CALD1: variants seen among roughly 807,000 people sequenced by gnomAD.
The protein encoded by CALD1 is caldesmon.
A neutral mutation model predicts 99.9 loss-of-function variants in CALD1; 33 were observed. That is an observed-to-expected ratio of 0.33 (90% confidence interval 0.25 to 0.44). CALD1 has a LOEUF of 0.44. Among genes scored for constraint, CALD1 ranks in the 20% least tolerant of loss-of-function variants. CALD1 has a pLI of 1.00. For missense variants in CALD1, 861 were observed against 962.1 expected, an observed-to-expected ratio of 0.89 and a Z score of 1.39; for synonymous variants, 310 against 325.0, an observed-to-expected ratio of 0.95 and a Z score of 0.50.
chr7:134,739,641 C>A (rs1329528799), upstream of CALD1, among the ~76,000 whole-genome samples: 2 of 152,118 alleles, frequency 1.3e-5, no homozygotes, highest in Non-Finnish European at 2.9e-5. Context: ...CTGCTGACTT[C>A]CTAGAACTGC....
intron 1 of CALD1, among the ~76,000 whole-genome samples, chr7:134,805,134 T>C (rs1798087047): frequency 6.6e-6 from 1 of 152,232 alleles, no homozygotes; most frequent in African/African-American, 2.4e-5. Flanking sequence ...CTGAATACTA[T>C]GGGCCTGTTC....
chr7:134,867,632 A>T (rs1209777703), intron 2 of CALD1, 61 bp from the exon 3 acceptor site: 1 of 585,504 alleles, frequency 1.7e-6, no homozygotes, highest in Non-Finnish European at 3.0e-6. Flanking sequence ...GGCCCATAGT[A>T]ACTCAGGAGA....
intron 1 of CALD1, among the ~76,000 whole-genome samples, chr7:134,822,217 G>T (rs1222570984): frequency 6.6e-6 from 1 of 152,258 alleles, no homozygotes; most frequent in African/African-American, 2.4e-5. Flanking sequence ...ATATTGAAGA[G>T]AAATCAGACA....
the CALD1 span, among the ~76,000 whole-genome samples, chr7:134,725,492 T>G: frequency 6.6e-6 from 1 of 151,680 alleles, no homozygotes; most frequent in Non-Finnish European, 1.5e-5. Flanking sequence ...TGAGCATGTA[T>G]AGCATTAATA....
chr7:134,946,335 C>G (rs985747619), intron 7 of CALD1, among the ~76,000 whole-genome samples: 3 of 152,108 alleles, frequency 2.0e-5, no homozygotes, highest in East Asian at 3.8e-4. Context: ...AAACAAACAT[C>G]ACCTAAAATT....
rs1449322731 is a variant in CALD1, at chr7:134,941,078, G to A, written c.1387-14G>A. The A allele has an allele frequency of 6.3e-7, 1 of 1,597,396 alleles. No individual in the cohort carries two copies. Among genetic ancestry groups the A allele is most frequent in the East Asian group, 2.2e-5 (1 of 44,730 alleles). On this transcript the variant is annotated splice_polypyrimidine_tract_variant and intron_variant, in intron 6 of 14. Coordinates refer to ENST00000361675, the MANE Select transcript of CALD1 (RefSeq NM_033138.4). ...TTCTTGTTCTGTTTCTTCCTGATAT[G>A]TACTGTTGGTTAGATCAAAGATGAA...
chr7:134,747,057 T>A (rs1417279191), intron 1 of CALD1, among the ~76,000 whole-genome samples: 1 of 152,152 alleles, frequency 6.6e-6, no homozygotes, highest in African/African-American at 2.4e-5. Context: ...TGAAAAAATA[T>A]GAGAAAACTT....
At chr7:134,776,467 A>C (rs1399962670), upstream of CALD1, among the ~76,000 whole-genome samples, 1 of 152,188 alleles carries the variant, frequency 6.6e-6, no homozygotes, top group Non-Finnish European at 1.5e-5. Flanking sequence ...CAGATCTTAA[A>C]CCATCTCTGG....
intron 2 of CALD1, among the ~76,000 whole-genome samples, chr7:134,846,319 C>T (rs1799851023): frequency 6.6e-6 from 1 of 152,160 alleles, no homozygotes; most frequent in African/African-American, 2.4e-5. Context: ...TTGTCCCCTG[C>T]TGATTGTCCC....
At chr7:134,919,629 G>A (rs1804466514) in intron 3 of CALD1, among the ~76,000 whole-genome samples, 1 of 152,158 alleles carries the variant, frequency 6.6e-6, no homozygotes, top group Admixed American at 6.6e-5. Flanking sequence ...GTCTATGTAT[G>A]GGGAGATGGG....
At chr7:134,917,022 T>C (rs1185037673) in intron 3 of CALD1, among the ~76,000 whole-genome samples, 3 of 152,208 alleles carry the variant, frequency 2.0e-5, no homozygotes, top group Non-Finnish European at 4.4e-5. Context: ...ACTTAGCCAG[T>C]AGAAATGTGA....
chr7:134,772,656 A>G (rs1796886245), intron 1 of CALD1, among the ~76,000 whole-genome samples: 1 of 152,234 alleles, frequency 6.6e-6, no homozygotes, highest in Non-Finnish European at 1.5e-5. Context: ...CAGTTGAACT[A>G]TATGGTATCC....
At chr7:134,826,221 G>A (rs17800656) in intron 1 of CALD1, among the ~76,000 whole-genome samples, 12,588 of 151,994 alleles carry the variant, frequency 0.083, 653 homozygotes, top group Non-Finnish European at 0.11. Context: ...CCAAGGACCC[G>A]GTCAACATTC....
At chr7:134,873,098 A>G (rs1176720506) in intron 3 of CALD1, among the ~76,000 whole-genome samples, 1 of 152,106 alleles carries the variant, frequency 6.6e-6, no homozygotes, top group Non-Finnish European at 1.5e-5. Context: ...GAGGCAGGAG[A>G]ATCACTTGAA....
At chr7:134,967,344 G>C (rs1164352732) in intron 14 of CALD1, among the ~76,000 whole-genome samples, 1 of 152,076 alleles carries the variant, frequency 6.6e-6, no homozygotes, top group Admixed American at 6.6e-5. Context: ...TACCTCTTTT[G>C]CTCCAAACTG....
At chr7:134,908,146 G>A (rs1256063848) in intron 3 of CALD1, among the ~76,000 whole-genome samples, 1 of 152,076 alleles carries the variant, frequency 6.6e-6, no homozygotes, top group Non-Finnish European at 1.5e-5. Flanking sequence ...AAGAGGTTGA[G>A]GATATAGGTT....
rs963923480 is a variant in CALD1, at chr7:134,961,622, C to T, written c.2295+994C>T. 6 of 151,968 alleles carry T rather than the reference C, an allele frequency of 3.9e-5. No individual in the cohort carries two copies. In the East Asian group the frequency reaches 9.6e-4, roughly 24 times the overall value. The allele number at this position is 151,968 out of a possible 1,614,324, so 9.4% of individuals were successfully genotyped here. On this transcript the variant is annotated intron_variant, in intron 13 of 14. Transcript: ENST00000361675. Reference sequence around the variant, plus strand: ...CCTTCTTGGGCACAACTCCTTGAACCGTTTAATTAATCTACACCCCGAGAT... The same window carrying T: ...CCTTCTTGGGCACAACTCCTTGAACTGTTTAATTAATCTACACCCCGAGAT...
intron 3 of CALD1, among the ~76,000 whole-genome samples, chr7:134,874,654 A>G (rs993650876): frequency 6.6e-6 from 1 of 152,210 alleles, no homozygotes; most frequent in African/African-American, 2.4e-5. Context: ...TGATCAGAAG[A>G]AAGGCCCCTA....
intron 1 of CALD1, among the ~76,000 whole-genome samples, chr7:134,822,731 A>C (rs1412049647): frequency 6.6e-6 from 1 of 152,114 alleles, no homozygotes; most frequent in Non-Finnish European, 1.5e-5. Context: ...TTCCTCCCCA[A>C]ATCTTCAGAC....
Sources: allele counts gnomAD v4.1 joint callset (sites outside exome capture counted in the v4.1 genomes callset), GRCh38; gene constraint gnomAD v4.1.1; transcripts MANE v1.5; gene names NCBI Gene and HGNC (gene_info 2026-07-23, HGNC 2026-07-21).